Variants in ICA1L observed in about 807,000 individuals in gnomAD.
ICA1L encodes the protein islet cell autoantigen 1 like, also known as islet cell autoantigen 1-like protein.
In ICA1L, 50 loss-of-function variants were observed where a neutral mutation model predicts 61.3. The observed-to-expected ratio is 0.82, with a 90% CI of 0.65 to 1.03. The LOEUF is 1.03. Ranked by LOEUF, ICA1L falls within the 50% of genes least tolerant of loss-of-function variation. The probability of loss-of-function intolerance (pLI) is 0.00; values close to 1 mark genes in which losing one functional copy is unlikely to be tolerated. For missense variants in ICA1L, 508 were observed against 556.7 expected (o/e 0.91, Z 0.88); for synonymous variants, 161 against 191.3 (o/e 0.84, Z 1.31).
intron 8 of ICA1L, among the ~76,000 whole-genome samples, chr2:202,814,483 A>G (rs543832950): frequency 6.6e-6 from 1 of 152,356 alleles, no homozygotes; most frequent in East Asian, 1.9e-4. Context: ...CCCAGCCAGC[A>G]GAACCATGAG....
intron 11 of ICA1L, among the ~76,000 whole-genome samples, 166 bp from the exon 12 acceptor site, chr2:202,786,173 C>T (rs958027002): frequency 6.6e-6 from 1 of 152,208 alleles, no homozygotes; most frequent in African/African-American, 2.4e-5. Context: ...ATATTTTAAT[C>T]ATCTTAGTTT....
chr2:202,840,394 C>T (rs959675850), intron 1 of ICA1L: 3 of 492,786 alleles, frequency 6.1e-6, no homozygotes, highest in Middle Eastern at 6.5e-4. Context: ...CAATCTTCTT[C>T]ACAACTATGG....
chr2:202,784,741 T>C (rs1368564097), intron 12 of ICA1L, among the ~76,000 whole-genome samples: 1 of 152,196 alleles, frequency 6.6e-6, no homozygotes, highest in Non-Finnish European at 1.5e-5. Flanking sequence ...TACTGCATTA[T>C]TTCAGTTGTA....
intron 1 of ICA1L, among the ~76,000 whole-genome samples, chr2:202,856,562 A>C (rs1008794450): frequency 6.6e-6 from 1 of 152,224 alleles, no homozygotes; most frequent in Admixed American, 6.5e-5. Flanking sequence ...TCCCTTTGAA[A>C]ACCAGCACAA....
At position 202,773,772 on chromosome 2, in the gene ICA1L, A is replaced by G. The variant is rs967557615; in HGVS notation, c.*5761T>C. 1 of 1,374,818 alleles carries G rather than the reference A, an allele frequency of 7.3e-7. No homozygotes were observed. The highest frequency in any genetic ancestry group is 1.0e-6 in the Non-Finnish European group (1 of 965,162). 85.2% of individuals were successfully genotyped at this position (1,374,818 alleles called of 1,614,324 possible). The stretch of plus-strand genomic sequence containing the variant: ...CATCCAGGTCCAAAGGTGGAAGAAT[A>G]CATACACCGGTATGGTAATAGGCAA... On this transcript the variant is annotated 3_prime_UTR_variant, in exon 13 of 13. Transcript: ENST00000358299.
intron 10 of ICA1L, among the ~76,000 whole-genome samples, chr2:202,795,236 C>T (rs948892265): frequency 2.0e-5 from 3 of 152,004 alleles, no homozygotes; most frequent in African/African-American, 7.2e-5. Context: ...GGTGATCTGC[C>T]CACCTTGGCC....
rs1028346111 is a variant in ICA1L at position 202,785,991 on chromosome 2, C to T, written c.1260G>A (p.Glu420=). The change falls in exon 12 of 13, where the codon GAG becomes GAA. Residue 420 remains glutamate, a synonymous_variant. Coordinates refer to ENST00000358299, the MANE Select transcript of ICA1L (RefSeq NM_001288622.3). ...TGTGTGAAAGACAAAGTTCTGATTCCTCTTGGGAGACCCAGTCTGGGATAA... is the reference window on the plus strand; with the variant it reads ...TGTGTGAAAGACAAAGTTCTGATTCTTCTTGGGAGACCCAGTCTGGGATAA... The part of the protein sequence containing the change: ...AGAFNNWVSQ[E]ESELCLSHTD... 3.2e-5 allele frequency: 51 copies of T among 1,605,214 alleles called. No homozygotes were observed. Among genetic ancestry groups the T allele is most frequent in the Non-Finnish European group, 4.3e-5 (51 of 1,173,202 alleles).
intron 1 of ICA1L, among the ~76,000 whole-genome samples, chr2:202,855,590 A>G (rs924490635): frequency 1.3e-5 from 2 of 152,156 alleles, no homozygotes; most frequent in African/African-American, 2.4e-5. Context: ...ACCAGTAAGA[A>G]GTCAAATCCC....
At chr2:202,853,805 A>G (rs896347173) in intron 1 of ICA1L, among the ~76,000 whole-genome samples, 6 of 152,192 alleles carry the variant, frequency 3.9e-5, no homozygotes, top group Non-Finnish European at 5.9e-5. Flanking sequence ...CTTCATAAGC[A>G]AAGGAGAAAT....
intron 1 of ICA1L, among the ~76,000 whole-genome samples, chr2:202,869,901 A>G (rs1161789217): frequency 6.6e-6 from 1 of 152,190 alleles, no homozygotes; most frequent in Non-Finnish European, 1.5e-5. Flanking sequence ...ACAAAACTTA[A>G]GTGATGAATG....
chr2:202,852,611 A>C (rs1411601507), intron 1 of ICA1L, among the ~76,000 whole-genome samples: 1 of 145,810 alleles, frequency 6.9e-6, no homozygotes, highest in Non-Finnish European at 1.5e-5. Flanking sequence ...CAGAGCTTGC[A>C]GTGAGCCGAG....
chr2:202,804,509 C>T (rs1346775744), intron 9 of ICA1L, among the ~76,000 whole-genome samples: 1 of 152,036 alleles, frequency 6.6e-6, no homozygotes, highest in Non-Finnish European at 1.5e-5. Flanking sequence ...TTCCTAACAC[C>T]CCCTACCCCC....
chr2:202,862,272 C>CAAAAAAAAAAAAAAAAAAAAAAA (rs778355110), intron 1 of ICA1L, among the ~76,000 whole-genome samples: 1 of 62,978 alleles, frequency 1.6e-5, no homozygotes, highest in African/African-American at 8.3e-5. Context: ...CTCATTTCTA[C>CAAAAAAAAAAAAAAAAAAAAAAA]AAAAAAAAAA....
rs775001763 is a variant in ICA1L at position 202,816,008 on chromosome 2, C to G, written c.686G>C (p.Arg229Thr). The G allele has an allele frequency of 8.0e-5, 127 of 1,588,040 alleles. 1 individual carries two copies. The highest frequency in any genetic ancestry group is 6.2e-4 in the Admixed American group (34 of 54,914). ...MLSHSLTTYQ[R>T]TLLGFWKKTA... ...TTTCTTCCAGAATCCAAGCAGTGTT[C>G]TCTGCAAAAAAAGAAAAGGTGACAC... is the stretch of plus-strand genomic sequence containing the variant. The change falls in exon 7 of 13, where the codon AGA (arginine) becomes ACA (threonine). Residue 229 changes from arginine (R) to threonine (T), a missense_variant and splice_region_variant. Transcript: ENST00000358299.
In ICA1L at chr2:202,789,061, A is replaced by T. The variant is rs756643200; in HGVS notation, c.1012T>A (p.Leu338Met). ...TCCTTCTCAAAATCTTCTCCTTCCA[A>T]TGAATCTACAGGTAGATCTTTTGCA... is the stretch of plus-strand genomic sequence containing the variant. Reference protein sequence around the residue: ...NVAKDLPVDSLEGEDFEKEFS... With the variant: ...NVAKDLPVDSMEGEDFEKEFS... The change falls in exon 11 of 13, where the codon TTG becomes ATG. Residue 338 changes from leucine to methionine, a missense_variant. Coordinates refer to ENST00000358299, the MANE Select transcript of ICA1L (RefSeq NM_001288622.3). 1.9e-6 allele frequency: 3 copies of T among 1,612,834 alleles called. No homozygotes were observed. The South Asian group carries it at 3.3e-5, about 18-fold the overall frequency.
At chr2:202,839,367 C>T (rs1327986612) in intron 1 of ICA1L, among the ~76,000 whole-genome samples, 8 of 151,890 alleles carry the variant, frequency 5.3e-5, no homozygotes, top group Admixed American at 5.2e-4. Flanking sequence ...AGTGTGGTGG[C>T]AGGCACCTGT....
chr2:202,792,490 G>A lies in ICA1L; in HGVS notation c.986-3403C>T, dbSNP rs556064360. Among the ~76,000 whole-genome samples the A allele has an allele frequency of 5.3e-5, 8 of 152,254 alleles. No homozygotes were observed. In the South Asian group the frequency reaches 1.7e-3, roughly 32 times the overall value. ...ACATAAGATGGTATATCCATACAAT[G>A]GAATACTATTGCTTAATAAAAAGTA... On this transcript the variant is annotated intron_variant, in intron 10 of 12. Transcript: ENST00000358299.
intron 10 of ICA1L, among the ~76,000 whole-genome samples, chr2:202,791,049 A>G (rs996755767): frequency 2.6e-5 from 4 of 152,346 alleles, no homozygotes; most frequent in Non-Finnish European, 4.4e-5. Context: ...AGGCAACTGG[A>G]GAAGTCTTAT....
chr2:202,815,185 T>C (rs1483919225), intron 7 of ICA1L, among the ~76,000 whole-genome samples: 5 of 152,208 alleles, frequency 3.3e-5, no homozygotes, highest in Non-Finnish European at 7.3e-5. Flanking sequence ...GCGAAGCATT[T>C]ATTATATTAA....
Sources: gnomAD v4.1 joint callset for allele counts (sites outside exome capture counted in the v4.1 genomes callset) on GRCh38, gnomAD v4.1.1 for gene constraint, MANE v1.5 for transcripts, NCBI Gene and HGNC (gene_info 2026-07-23, HGNC 2026-07-21) for gene names.